Variants in ZFHX3 observed in about 807,000 individuals in gnomAD.
The protein encoded by ZFHX3 is zinc finger homeobox 3.
In ZFHX3, 42 loss-of-function variants were observed where a neutral mutation model predicts 279.1. The ratio of observed to expected loss-of-function variants is 0.15; its 90% confidence interval spans 0.12 to 0.19. The LOEUF (loss-of-function observed/expected upper bound fraction) is 0.19, where lower values mean the gene tolerates loss of function less well. Ranked by LOEUF, ZFHX3 falls within the 10% of genes least tolerant of loss-of-function variation. The pLI, the probability that ZFHX3 is intolerant of heterozygous loss-of-function variation, is 1.00. For synonymous variants in ZFHX3, 2,293 were observed against 1,957.8 expected (o/e 1.17, Z -4.52); for missense variants, 4,981 against 4,754.0 (o/e 1.05, Z -1.40).
intron 3 of ZFHX3, among the ~76,000 whole-genome samples, chr16:73,377,105 G>A (rs2016736420): frequency 6.6e-6 from 1 of 151,876 alleles, no homozygotes; most frequent in Non-Finnish European, 1.5e-5. Flanking sequence ...CCCAGTAGCT[G>A]GGATTATAGG....
intron 1 of ZFHX3, among the ~76,000 whole-genome samples, chr16:73,054,066 G>A (rs889027902): frequency 6.6e-6 from 1 of 151,836 alleles, no homozygotes; most frequent in African/African-American, 2.4e-5. Flanking sequence ...GGGCTGGGGG[G>A]AGGAGTGATA....
intron 1 of ZFHX3, among the ~76,000 whole-genome samples, chr16:73,770,685 A>C (rs2054007899): frequency 6.6e-6 from 1 of 152,242 alleles, no homozygotes; most frequent in Non-Finnish European, 1.5e-5. Context: ...AAATAAGTGT[A>C]AATAGAAGCC....
chr16:73,057,428 T>C (rs1279383971), intron 1 of ZFHX3, among the ~76,000 whole-genome samples: 1 of 151,530 alleles, frequency 6.6e-6, no homozygotes, highest in Non-Finnish European at 1.5e-5. Context: ...AAGACGGACA[T>C]TAAAATGCAT....
intron 2 of ZFHX3, among the ~76,000 whole-genome samples, chr16:73,625,154 T>A (rs1337249490): frequency 6.6e-6 from 1 of 152,242 alleles, no homozygotes; most frequent in East Asian, 1.9e-4. Flanking sequence ...CATACCATAC[T>A]TTTATTTGCT....
In ZFHX3 at chr16:73,630,300, G is replaced by C. The variant is rs933174118; in HGVS notation, c.-1547+49880C>G. On this transcript the variant is annotated intron_variant, in intron 2 of 17. Coordinates refer to the ZFHX3 transcript ENST00000641206. ...CAAAAGGAAAATTGGAAATTAATTTGATCATTTGGAGAGGGTGACCCTGCT... is the reference window on the plus strand; with the variant it reads ...CAAAAGGAAAATTGGAAATTAATTTCATCATTTGGAGAGGGTGACCCTGCT... 2.0e-5 allele frequency among the ~76,000 whole-genome samples: 3 copies of C among 152,162 alleles called. No homozygotes were observed. In the East Asian group the frequency reaches 5.8e-4, roughly 29 times the overall value.
At chr16:73,200,288 A>G (rs1032424959) in intron 5 of ZFHX3, among the ~76,000 whole-genome samples, 3 of 152,196 alleles carry the variant, frequency 2.0e-5, no homozygotes, top group Admixed American at 2.0e-4. Context: ...TTATAATTAA[A>G]AAAATTACTC....
chr16:72,813,369 G>T (rs760365173), intron 5 of ZFHX3, among the ~76,000 whole-genome samples: 8 of 152,132 alleles, frequency 5.3e-5, no homozygotes, highest in Non-Finnish European at 1.0e-4. Context: ...TTTGAAATTT[G>T]TTCTGATGTG....
At chr16:73,287,928 G>T (rs1185876572) in intron 4 of ZFHX3, among the ~76,000 whole-genome samples, 2 of 152,012 alleles carry the variant, frequency 1.3e-5, no homozygotes, top group Non-Finnish European at 2.9e-5. Flanking sequence ...TGAAAATCCA[G>T]GAAAACAAAC....
chr16:73,506,833 T>C (rs2143677247), intron 2 of ZFHX3, among the ~76,000 whole-genome samples: 1 of 152,292 alleles, frequency 6.6e-6, no homozygotes, highest in Non-Finnish European at 1.5e-5. Flanking sequence ...AACGGCAAGA[T>C]TACACACTTT....
intron 2 of ZFHX3, among the ~76,000 whole-genome samples, chr16:73,521,384 T>C (rs2019606339): frequency 1.3e-5 from 2 of 152,212 alleles, no homozygotes; most frequent in African/African-American, 4.8e-5. Context: ...ATAATAATGA[T>C]AGTAATGATC....
At chr16:72,899,620 G>A (rs2038982769) in intron 3 of ZFHX3, among the ~76,000 whole-genome samples, 1 of 152,110 alleles carries the variant, frequency 6.6e-6, no homozygotes, top group African/African-American at 2.4e-5. Context: ...ATGATGGTTT[G>A]TGGGGCACTC....
chr16:73,057,548 A>AAGAAG (rs984861809), intron 1 of ZFHX3, among the ~76,000 whole-genome samples: 1 of 149,680 alleles, frequency 6.7e-6, no homozygotes, highest in African/African-American at 2.5e-5. Flanking sequence ...AAAAAAAAAA[A>AAGAAG]AAGAAGAAGA....
intron 3 of ZFHX3, among the ~76,000 whole-genome samples, chr16:73,390,469 C>T (rs112033971): frequency 9.2e-5 from 14 of 152,278 alleles, no homozygotes; most frequent in African/African-American, 3.4e-4. Flanking sequence ...ATATGCCAAG[C>T]TTTGCACCGG....
intron 2 of ZFHX3, among the ~76,000 whole-genome samples, chr16:73,644,586 A>C (rs2052601448): frequency 1.3e-5 from 2 of 152,252 alleles, no homozygotes; most frequent in African/African-American, 4.8e-5. Context: ...GCTTGAACCC[A>C]GGAGATGGAG....
intron 7 of ZFHX3, among the ~76,000 whole-genome samples, chr16:73,111,023 C>T (rs1253667587): frequency 6.6e-6 from 1 of 152,116 alleles, no homozygotes; most frequent in Non-Finnish European, 1.5e-5. Context: ...TCACTGCAAC[C>T]TCCGGCTCCT....
intron 1 of ZFHX3, among the ~76,000 whole-genome samples, chr16:73,790,363 C>A (rs1215018652): frequency 6.6e-6 from 1 of 151,378 alleles, no homozygotes; most frequent in Non-Finnish European, 1.5e-5. Flanking sequence ...TATATTCTTG[C>A]ATCTGCAATT....
chr16:73,426,015 C>T (rs1567480512), intron 3 of ZFHX3, among the ~76,000 whole-genome samples: 1 of 152,100 alleles, frequency 6.6e-6, no homozygotes, highest in East Asian at 1.9e-4. Flanking sequence ...CTTTTGTGTC[C>T]CCCTTCTTCC....
chr16:73,754,752 C>T (rs1471365368), intron 1 of ZFHX3, among the ~76,000 whole-genome samples: 1 of 151,426 alleles, frequency 6.6e-6, no homozygotes, highest in African/African-American at 2.4e-5. Context: ...ACGAACTTTA[C>T]ATGAAGAAAA....
chr16:73,747,360 G>A (rs2053713813), intron 1 of ZFHX3, among the ~76,000 whole-genome samples: 1 of 152,162 alleles, frequency 6.6e-6, no homozygotes. Context: ...TTAAGCCTAG[G>A]TGACAGAGTA....
Sources: gnomAD v4.1 joint callset for allele counts (sites outside exome capture counted in the v4.1 genomes callset) on GRCh38, gnomAD v4.1.1 for gene constraint, MANE v1.5 for transcripts, NCBI Gene and HGNC (gene_info 2026-07-23, HGNC 2026-07-21) for gene names.